IL1RAPL2: variants seen among roughly 807,000 people sequenced by gnomAD.
The protein encoded by IL1RAPL2 is interleukin 1 receptor accessory protein like 2, also known as X-linked interleukin-1 receptor accessory protein-like 2.
A neutral mutation model predicts 44.1 loss-of-function variants in IL1RAPL2; 3 were observed. That is an observed-to-expected ratio of 0.07 (90% confidence interval 0.03 to 0.18). The LOEUF (loss-of-function observed/expected upper bound fraction) is 0.18. IL1RAPL2 is among the 10% of genes least tolerant of loss of function. The pLI, the probability that IL1RAPL2 is intolerant of heterozygous loss-of-function variation, is 1.00. For missense variants in IL1RAPL2, 391 were observed against 496.4 expected (o/e 0.79, Z 2.02); for synonymous variants, 181 against 178.8 (o/e 1.01, Z -0.10).
intron 2 of IL1RAPL2, among the ~76,000 whole-genome samples, chrX:104,975,266 C>A (rs2030311022): frequency 9.0e-6 from 1 of 111,167 alleles, no homozygotes; most frequent in Admixed American, 9.5e-5. Context: ...AGTGCCTCAA[C>A]TAAATGACCC....
At chrX:104,600,528 C>G (rs900178233) in intron 1 of IL1RAPL2, among the ~76,000 whole-genome samples, 2 of 103,847 alleles carry the variant, frequency 1.9e-5, no homozygotes, top group Non-Finnish European at 4.0e-5. Context: ...TTTTTTTCAA[C>G]TTTTTTTTTT....
intron 5 of IL1RAPL2, among the ~76,000 whole-genome samples, chrX:105,413,240 G>A (rs2035709914): frequency 9.0e-6 from 1 of 111,563 alleles, no homozygotes; most frequent in African/African-American, 3.3e-5. Context: ...ACAGAATAAT[G>A]TCCCCCTCAA....
intron 2 of IL1RAPL2, among the ~76,000 whole-genome samples, chrX:104,875,491 G>C (rs146568263): frequency 9.0e-6 from 1 of 111,670 alleles, no homozygotes; most frequent in African/African-American, 3.2e-5. Context: ...TGCTGTGGGA[G>C]TGCTCAGTTG....
intron 1 of IL1RAPL2, among the ~76,000 whole-genome samples, chrX:104,612,221 C>T (rs1283139750): frequency 8.9e-6 from 1 of 111,732 alleles, no homozygotes; most frequent in Non-Finnish European, 1.9e-5. Flanking sequence ...TTGTTTTTGT[C>T]GAAATTGCTT....
chrX:104,772,134 G>A (rs1319115412), intron 2 of IL1RAPL2, among the ~76,000 whole-genome samples: 3 of 111,285 alleles, frequency 2.7e-5, no homozygotes, highest in African/African-American at 6.5e-5. Context: ...TTTTATGCAC[G>A]GGTATTCCTA....
intron 2 of IL1RAPL2, among the ~76,000 whole-genome samples, chrX:104,819,846 C>G (rs1279925185): frequency 8.9e-6 from 1 of 111,762 alleles, no homozygotes; most frequent in East Asian, 2.8e-4. Context: ...GGCTATTATT[C>G]CTTTAGAAAC....
At chrX:105,210,891 C>A (rs1424068092) in intron 3 of IL1RAPL2, among the ~76,000 whole-genome samples, 1 of 110,790 alleles carries the variant, frequency 9.0e-6, no homozygotes, top group African/African-American at 3.3e-5. Flanking sequence ...TCAGGTCTAA[C>A]TCCTCTCCAT....
chrX:104,710,997 C>T (rs1931446953), intron 2 of IL1RAPL2, among the ~76,000 whole-genome samples: 1 of 111,430 alleles, frequency 9.0e-6, no homozygotes, highest in African/African-American at 3.2e-5. Context: ...GTAAAACAGC[C>T]TCAGGTGGGT....
chrX:104,680,513 T>G (rs1930872831), intron 2 of IL1RAPL2, among the ~76,000 whole-genome samples: 1 of 111,839 alleles, frequency 8.9e-6, no homozygotes, highest in African/African-American at 3.3e-5. Flanking sequence ...TTAATGCTTT[T>G]CTGTTGCCAT....
intron 1 of IL1RAPL2, among the ~76,000 whole-genome samples, chrX:104,593,850 C>T (rs1188909136): frequency 3.6e-5 from 4 of 112,432 alleles, no homozygotes; most frequent in Non-Finnish European, 7.5e-5. Flanking sequence ...TTCCTTTAGT[C>T]TTTGAAATCC....
At chrX:104,977,635 T>C (rs1373576166) in intron 2 of IL1RAPL2, among the ~76,000 whole-genome samples, 1 of 111,649 alleles carries the variant, frequency 9.0e-6, no homozygotes, top group African/African-American at 3.3e-5. Flanking sequence ...AGCTCTAAAA[T>C]TGGGGCTTAG....
intron 2 of IL1RAPL2, among the ~76,000 whole-genome samples, chrX:104,907,660 C>A (rs1238681557): frequency 9.0e-6 from 1 of 111,213 alleles, no homozygotes; most frequent in East Asian, 2.8e-4. Flanking sequence ...GCACTGTGGT[C>A]TGAGAGATAG....
chrX:104,895,816 C>T (rs1923626789), intron 2 of IL1RAPL2, among the ~76,000 whole-genome samples: 1 of 111,823 alleles, frequency 8.9e-6, no homozygotes, highest in African/African-American at 3.3e-5. Flanking sequence ...GGACAAGCCC[C>T]AGTGAGATGA....
intron 2 of IL1RAPL2, among the ~76,000 whole-genome samples, chrX:104,755,218 G>A (rs182672335): frequency 1.8e-5 from 2 of 110,583 alleles, no homozygotes; most frequent in East Asian, 5.7e-4. Flanking sequence ...CTTCTATCTG[G>A]AATTACAAGG....
At chrX:104,876,768 G>A (rs1302817880) in intron 2 of IL1RAPL2, among the ~76,000 whole-genome samples, 11 of 100,718 alleles carry the variant, frequency 1.1e-4, no homozygotes, top group African/African-American at 4.1e-4. Flanking sequence ...TAGGGTACAT[G>A]TGCACAATGT....
chrX:105,341,308 A>G (rs1176499285), intron 5 of IL1RAPL2, among the ~76,000 whole-genome samples: 1 of 108,482 alleles, frequency 9.2e-6, no homozygotes, highest in African/African-American at 3.5e-5. Context: ...ACATTTGCAC[A>G]TTTACTTTTT....
At position 105,596,644 on chromosome X, in the gene IL1RAPL2, G is replaced by A. The variant is rs760959353; in HGVS notation, c.772+112257G>A. Reference sequence around the variant, plus strand: ...AATGTTCATTCTACTGCTGCTGGATGGAATGTTATGTATATGCCTGTTAGG... The same window carrying A: ...AATGTTCATTCTACTGCTGCTGGATAGAATGTTATGTATATGCCTGTTAGG... On this transcript the variant is annotated intron_variant, in intron 6 of 10. Coordinates refer to ENST00000372582, the MANE Select transcript of IL1RAPL2 (RefSeq NM_017416.2). 4.5e-5 allele frequency among the ~76,000 whole-genome samples: 5 copies of A among 111,654 alleles called. No individual in the cohort carries two copies. In the South Asian group the frequency reaches 1.9e-3, roughly 42 times the overall value.
At chrX:105,634,123 T>C (rs1197569462) in intron 6 of IL1RAPL2, among the ~76,000 whole-genome samples, 1 of 111,447 alleles carries the variant, frequency 9.0e-6, no homozygotes, top group Non-Finnish European at 1.9e-5. Context: ...TATTTGCCTT[T>C]CAGTGTCTAC....
At chrX:104,693,889 T>C (rs1931136031) in intron 2 of IL1RAPL2, among the ~76,000 whole-genome samples, 1 of 111,950 alleles carries the variant, frequency 8.9e-6, no homozygotes, top group Admixed American at 9.5e-5. Context: ...AAAGCTTGGC[T>C]TCTGTGGATT....
Sources: allele counts gnomAD v4.1 joint callset (sites outside exome capture counted in the v4.1 genomes callset), GRCh38; gene constraint gnomAD v4.1.1; transcripts MANE v1.5; gene names NCBI Gene and HGNC (gene_info 2026-07-23, HGNC 2026-07-21).